PRORP: variants seen among roughly 807,000 people sequenced by gnomAD.
The protein encoded by PRORP is mitochondrial ribonuclease P catalytic subunit.
PRORP carries 51 observed loss-of-function variants against 59.4 expected under a neutral mutation model. The ratio of observed to expected loss-of-function variants is 0.86; its 90% confidence interval spans 0.69 to 1.08. PRORP has a LOEUF of 1.08. PRORP is among the 50% of genes least tolerant of loss of function. The probability of loss-of-function intolerance (pLI) is 0.00; values close to 1 mark genes in which losing one functional copy is unlikely to be tolerated. For missense variants in PRORP, 646 were observed against 690.3 expected, an observed-to-expected ratio of 0.94 and a Z score of 0.72; for synonymous variants, 231 against 245.6, an observed-to-expected ratio of 0.94 and a Z score of 0.55.
intron 4 of PRORP, among the ~76,000 whole-genome samples, chr14:35,146,935 A>AT (rs892781755): frequency 6.7e-6 from 1 of 150,344 alleles, no homozygotes; most frequent in East Asian, 1.9e-4. Context: ...CTACAAAAAA[A>AT]TTTTTTTTTT....
chr14:35,177,081 A>G (rs2048471732), intron 4 of PRORP, among the ~76,000 whole-genome samples: 1 of 152,202 alleles, frequency 6.6e-6, no homozygotes, highest in Admixed American at 6.5e-5. Flanking sequence ...CTTGCATCCC[A>G]GGGATGAAGC....
At chr14:35,143,031 T>C (rs2047519205) in intron 4 of PRORP, among the ~76,000 whole-genome samples, 1 of 145,372 alleles carries the variant, frequency 6.9e-6, no homozygotes, top group Non-Finnish European at 1.5e-5. Context: ...AAAAAGTACT[T>C]CTTTGTAAAG....
chr14:35,183,739 G>A (rs537713099), intron 5 of PRORP, among the ~76,000 whole-genome samples: 296 of 152,132 alleles, frequency 1.9e-3, no homozygotes, highest in Non-Finnish European at 2.9e-3. Flanking sequence ...ATTTCTTTAA[G>A]GTTACTTATT....
In PRORP at chr14:35,274,877, A is replaced by G. The variant is rs1457370716; in HGVS notation, c.*1311A>G. The G allele has an allele frequency of 6.6e-6, 1 of 152,218 alleles. No individual in the cohort carries two copies. Among genetic ancestry groups the G allele is most frequent in the Non-Finnish European group, 1.5e-5 (1 of 68,034 alleles). 9.4% of individuals were successfully genotyped at this position (152,218 alleles called of 1,614,324 possible). On this transcript the variant is annotated 3_prime_UTR_variant, in exon 8 of 8. Transcript: ENST00000534898. ...TTTAACAAAGTGATTATATTTTAAT[A>G]GTTACATTTCTGTTTTTTCCACTCA...
chr14:35,220,039 T>C (rs780543754), intron 5 of PRORP, among the ~76,000 whole-genome samples: 1 of 152,246 alleles, frequency 6.6e-6, no homozygotes, highest in Non-Finnish European at 1.5e-5. Context: ...CCCACATGGG[T>C]AGTCTAGGAG....
At chr14:35,273,342 T>C in intron 7 of PRORP, 93 bp from the exon 8 acceptor site, 1 of 1,285,710 alleles carries the variant, frequency 7.8e-7, no homozygotes, top group East Asian at 2.6e-5. Flanking sequence ...TCAATACTCT[T>C]CTGGAGCAAA....
chr14:35,189,283 G>A (rs2048823379), intron 5 of PRORP, among the ~76,000 whole-genome samples: 1 of 152,102 alleles, frequency 6.6e-6, no homozygotes, highest in African/African-American at 2.4e-5. Flanking sequence ...ATGTTGTCCA[G>A]GCTAGTCTCA....
At chr14:35,262,858 G>A (rs1204273933) in intron 5 of PRORP, 1 of 1,534,798 alleles carries the variant, frequency 6.5e-7, no homozygotes, top group Non-Finnish European at 9.0e-7. Context: ...GGTGTTGCTT[G>A]TTCAGTATCT....
intron 5 of PRORP, among the ~76,000 whole-genome samples, chr14:35,265,677 C>T (rs1169573578): frequency 6.6e-6 from 1 of 152,170 alleles, no homozygotes. Flanking sequence ...AGAAAAGTCA[C>T]TGTCTAGTCT....
intron 4 of PRORP, among the ~76,000 whole-genome samples, chr14:35,153,386 G>A (rs1352253453): frequency 2.4e-5 from 3 of 123,746 alleles, no homozygotes; most frequent in Admixed American, 8.1e-5. Context: ...GGTGGAAAGA[G>A]AGGGAGAGGG....
At chr14:35,144,944 G>GTT (rs2047569028) in intron 4 of PRORP, among the ~76,000 whole-genome samples, 1 of 145,444 alleles carries the variant, frequency 6.9e-6, no homozygotes, top group East Asian at 2.3e-4. Flanking sequence ...TCAGTACTCA[G>GTT]TATATTTTCT....
chr14:35,259,130 C>A (rs781275191), intron 5 of PRORP, among the ~76,000 whole-genome samples: 4 of 152,194 alleles, frequency 2.6e-5, no homozygotes, highest in Non-Finnish European at 5.9e-5. Flanking sequence ...TATTTTGCAG[C>A]TCTGTTGTTT....
In PRORP at chr14:35,261,557, T is replaced by C. The variant is rs8007511; in HGVS notation, c.1276-5170T>C. 1.1e-3 allele frequency among the ~76,000 whole-genome samples: 171 copies of C among 152,240 alleles called. 1 individual carries two copies. Among genetic ancestry groups the C allele is most frequent in the African/African-American group, 3.8e-3 (157 of 41,566 alleles). On this transcript the variant is annotated intron_variant, in intron 5 of 7. Transcript: ENST00000534898. ...CAGCCCGACCAACATGGCGAAACCC[T>C]GTCTCTACTGAAAATACAAAAATTA...
chr14:35,133,517 T>A (rs995546238), intron 4 of PRORP, among the ~76,000 whole-genome samples: 2 of 152,230 alleles, frequency 1.3e-5, no homozygotes. Flanking sequence ...CCTGCTGCCT[T>A]ATTTAGTTCA....
At chr14:35,176,921 T>C (rs2048466811) in intron 4 of PRORP, among the ~76,000 whole-genome samples, 1 of 152,222 alleles carries the variant, frequency 6.6e-6, no homozygotes, top group African/African-American at 2.4e-5. Context: ...GTCCCATCAA[T>C]ACCTAATTTA....
In PRORP at chr14:35,212,995, C is replaced by T. The variant is rs112748167; in HGVS notation, c.1275+32218C>T. ...GCTTCTCCATCAGCACTTGCTACTT[C>T]GTCTTACACTTTTATGTCATGGAGA... On this transcript the variant is annotated intron_variant, in intron 5 of 7. Coordinates refer to ENST00000534898, the MANE Select transcript of PRORP (RefSeq NM_014672.4). Among the ~76,000 whole-genome samples, 778 of 152,336 alleles carry T rather than the reference C, an allele frequency of 5.1e-3. 9 individuals are homozygous for T. Among genetic ancestry groups the T allele is most frequent in the South Asian group, 0.046 (221 of 4,828 alleles).
In PRORP at chr14:35,241,310, A is replaced by C. The variant is rs563282312; in HGVS notation, c.1276-25417A>C. On this transcript the variant is annotated intron_variant, in intron 5 of 7. Coordinates refer to ENST00000534898, the MANE Select transcript of PRORP (RefSeq NM_014672.4). ...GGAGAATCTCTTGAACCCGGGAAGCAGAGGTTGCAGTGAGCTGAGACCATG... is the reference window on the plus strand; with the variant it reads ...GGAGAATCTCTTGAACCCGGGAAGCCGAGGTTGCAGTGAGCTGAGACCATG... 2.2e-4 allele frequency among the ~76,000 whole-genome samples: 34 copies of C among 152,188 alleles called. No individual in the cohort carries two copies. In the South Asian group the frequency reaches 7.1e-3, roughly 32 times the overall value.
chr14:35,123,175 C>T lies in PRORP; in HGVS notation c.-71C>T. ...ACTCTGCACCGCCGACCCCCAATCTCTTTAATTTTGCCATAGAAGAGGGGT... is the reference window on the plus strand; with the variant it reads ...ACTCTGCACCGCCGACCCCCAATCTTTTTAATTTTGCCATAGAAGAGGGGT... On this transcript the variant is annotated 5_prime_UTR_variant, in exon 2 of 8. Coordinates refer to ENST00000534898, the MANE Select transcript of PRORP (RefSeq NM_014672.4). 1 of 1,496,318 alleles carries T rather than the reference C, an allele frequency of 6.7e-7. No homozygotes were observed. The highest frequency in any genetic ancestry group is 1.2e-5 in the South Asian group (1 of 80,348). 92.7% of individuals were successfully genotyped at this position (1,496,318 alleles called of 1,614,324 possible).
rs774815331 is a variant in PRORP, at chr14:35,124,073, T to A, written c.828T>A (p.Val276=). 6.2e-7 allele frequency: 1 copy of A among 1,613,980 alleles called. No individual in the cohort carries two copies. The highest frequency in any genetic ancestry group is 1.1e-5 in the South Asian group (1 of 91,052). ...LYQELLGHDI[V]PMLETLKAFF... ...AGGAATTGCTAGGTCATGATATTGTTCCTATGTTGGAAACTTTAAAAGCTT... is the reference window on the plus strand; with the variant it reads ...AGGAATTGCTAGGTCATGATATTGTACCTATGTTGGAAACTTTAAAAGCTT... The change falls in exon 2 of 8, where the codon GTT becomes GTA. Residue 276 remains valine, a synonymous_variant. Transcript: ENST00000534898.
Sources: allele counts gnomAD v4.1 joint callset (sites outside exome capture counted in the v4.1 genomes callset), GRCh38; gene constraint gnomAD v4.1.1; transcripts MANE v1.5; gene names NCBI Gene and HGNC (gene_info 2026-07-23, HGNC 2026-07-21).